PLXDC2: variants seen among roughly 807,000 people sequenced by gnomAD.
PLXDC2 encodes the protein plexin domain-containing protein 2.
In PLXDC2, 40 loss-of-function variants were observed where a neutral mutation model predicts 68.9. The ratio of observed to expected loss-of-function variants is 0.58; its 90% CI spans 0.45 to 0.76. The LOEUF is 0.76. Ranked by LOEUF, PLXDC2 falls within the 30% of genes least tolerant of loss-of-function variation. The pLI is 0.00. For missense variants in PLXDC2, 644 were observed against 661.9 expected, an observed-to-expected ratio of 0.97 and a Z score of 0.30; for synonymous variants, 243 against 234.2, an observed-to-expected ratio of 1.04 and a Z score of -0.34.
At chr10:20,047,964 A>G (rs1361466130) in intron 3 of PLXDC2, among the ~76,000 whole-genome samples, 1 of 152,126 alleles carries the variant, frequency 6.6e-6, no homozygotes, top group Non-Finnish European at 1.5e-5. Flanking sequence ...CAGATTTCAC[A>G]TTTTAAAGGG....
chr10:19,851,222 A>C (rs1241951021), intron 1 of PLXDC2, among the ~76,000 whole-genome samples: 1 of 152,202 alleles, frequency 6.6e-6, no homozygotes, highest in Non-Finnish European at 1.5e-5. Flanking sequence ...TCATCATCCA[A>C]AGGAATAAAG....
At chr10:20,037,480 G>A (rs888539190) in intron 2 of PLXDC2, among the ~76,000 whole-genome samples, 1 of 151,732 alleles carries the variant, frequency 6.6e-6, no homozygotes, top group African/African-American at 2.4e-5. Flanking sequence ...ATTTACATTA[G>A]GTATATCTCC....
intron 2 of PLXDC2, among the ~76,000 whole-genome samples, chr10:20,026,549 C>G (rs1484433357): frequency 6.6e-6 from 1 of 152,062 alleles, no homozygotes; most frequent in Non-Finnish European, 1.5e-5. Flanking sequence ...GATAAAATTA[C>G]CTGAAAATCT....
chr10:20,218,187 G>A (rs376278707), intron 11 of PLXDC2, among the ~76,000 whole-genome samples: 4 of 152,074 alleles, frequency 2.6e-5, no homozygotes, highest in East Asian at 3.9e-4. Context: ...CCCAACATAC[G>A]ATAATTTTCT....
At chr10:20,145,335 C>T (rs188841280) in intron 5 of PLXDC2, among the ~76,000 whole-genome samples, 9 of 152,250 alleles carry the variant, frequency 5.9e-5, no homozygotes, top group Middle Eastern at 3.4e-3. Flanking sequence ...AGACTCTTCA[C>T]GAAGCCCTTT....
chr10:20,141,764 A>G (rs1834010006), intron 4 of PLXDC2, among the ~76,000 whole-genome samples: 1 of 152,036 alleles, frequency 6.6e-6, no homozygotes, highest in African/African-American at 2.4e-5. Flanking sequence ...AAATATAATA[A>G]AAGCAATGAC....
chr10:20,020,060 C>G (rs931461265), intron 2 of PLXDC2, among the ~76,000 whole-genome samples: 1 of 137,816 alleles, frequency 7.3e-6, no homozygotes, highest in Non-Finnish European at 1.5e-5. Context: ...AGGGCTTGCT[C>G]TGTCTGCTCA....
intron 13 of PLXDC2, among the ~76,000 whole-genome samples, chr10:20,255,204 G>A (rs554265437): frequency 2.1e-3 from 308 of 145,812 alleles, no homozygotes; most frequent in African/African-American, 8.0e-3. Context: ...TAGATAGATA[G>A]ATAGATAGAT....
intron 1 of PLXDC2, among the ~76,000 whole-genome samples, chr10:19,877,861 T>C (rs1223541084): frequency 1.3e-5 from 2 of 152,250 alleles, no homozygotes; most frequent in Non-Finnish European, 2.9e-5. Context: ...TTCCCTCTTA[T>C]TTGGTCCTCA....
intron 1 of PLXDC2, among the ~76,000 whole-genome samples, chr10:19,834,190 C>G (rs1191748072): frequency 2.0e-5 from 3 of 152,146 alleles, no homozygotes. Flanking sequence ...TCATCCATAT[C>G]TTCTGCATTT....
At chr10:20,193,611 TG>T (rs1344740379) in intron 9 of PLXDC2, among the ~76,000 whole-genome samples, 1 of 152,072 alleles carries the variant, frequency 6.6e-6, no homozygotes, top group African/African-American at 2.4e-5. Context: ...ACATAGCTTT[TG>T]CTATAAATAT....
intron 1 of PLXDC2, among the ~76,000 whole-genome samples, chr10:19,914,539 G>T (rs1450544828): frequency 6.6e-6 from 1 of 152,188 alleles, no homozygotes; most frequent in Admixed American, 6.5e-5. Context: ...AAACGTTAAA[G>T]TTACTTCAAG....
rs555384090 is a variant in PLXDC2, at chr10:20,069,528, T to C, written c.541+1289T>C. Among the ~76,000 whole-genome samples, 51 of 152,094 alleles carry C rather than the reference T, an allele frequency of 3.4e-4. 1 individual carries two copies. In the South Asian group the frequency reaches 9.8e-3, roughly 29 times the overall value. On this transcript the variant is annotated intron_variant, in intron 4 of 13. Coordinates refer to ENST00000377252, the MANE Select transcript of PLXDC2 (RefSeq NM_032812.9). Reference sequence around the variant, plus strand: ...TAAAAAATTAACCATGGTGGGGTGCTCCTGTAGTCCCAGCTACTCAGGAGG... The same window carrying C: ...TAAAAAATTAACCATGGTGGGGTGCCCCTGTAGTCCCAGCTACTCAGGAGG...
intron 1 of PLXDC2, 67 bp from the exon 2 acceptor site, chr10:20,001,708 G>A: frequency 7.0e-7 from 1 of 1,429,576 alleles, no homozygotes; most frequent in South Asian, 1.2e-5. Flanking sequence ...TTCTTCTCGA[G>A]CCGATAGCAC....
intron 4 of PLXDC2, among the ~76,000 whole-genome samples, chr10:20,141,326 C>A (rs1834004440): frequency 2.0e-5 from 3 of 152,020 alleles, no homozygotes; most frequent in African/African-American, 7.2e-5. Flanking sequence ...TGTCTGAAAT[C>A]ATCAATGCTC....
chr10:19,863,531 G>T lies in PLXDC2; in HGVS notation c.112+46340G>T, dbSNP rs376054528. The stretch of plus-strand genomic sequence containing the variant: ...CCACTTCAAACAGCCCTGCAGAAAG[G>T]CAAGTGTGACACGCAGCACTTCCTC... On this transcript the variant is annotated intron_variant, in intron 1 of 13. Transcript: ENST00000377252. 5.3e-5 allele frequency among the ~76,000 whole-genome samples: 8 copies of T among 152,148 alleles called. No individual in the cohort carries two copies. In the East Asian group the frequency reaches 1.3e-3, roughly 26 times the overall value.
At chr10:19,864,762 C>G (rs1332703583) in intron 1 of PLXDC2, among the ~76,000 whole-genome samples, 1 of 152,116 alleles carries the variant, frequency 6.6e-6, no homozygotes, top group Non-Finnish European at 1.5e-5. Context: ...GGTAAGTGGA[C>G]TGGGCAAACA....
chr10:20,090,752 CTTAG>C (rs1170705183), intron 4 of PLXDC2, among the ~76,000 whole-genome samples: 1 of 152,044 alleles, frequency 6.6e-6, no homozygotes, highest in Non-Finnish European at 1.5e-5. Context: ...ACTGACATTA[CTTAG>C]TTAGCTTATT....
At chr10:19,869,486 GTGGGA>G (rs1837492703) in intron 1 of PLXDC2, among the ~76,000 whole-genome samples, 5 of 108,114 alleles carry the variant, frequency 4.6e-5, no homozygotes, top group Non-Finnish European at 7.7e-5. Context: ...GGGGGAGAGG[GTGGGA>G]GGGAGGGAGG....
Sources: gnomAD v4.1 joint callset for allele counts (sites outside exome capture counted in the v4.1 genomes callset) on GRCh38, gnomAD v4.1.1 for gene constraint, MANE v1.5 for transcripts, NCBI Gene and HGNC (gene_info 2026-07-23, HGNC 2026-07-21) for gene names.